CACNA2D1: variants seen among roughly 807,000 people sequenced by gnomAD.
The protein encoded by CACNA2D1 is calcium voltage-gated channel auxiliary subunit alpha2delta 1, also known as voltage-dependent calcium channel subunit alpha-2/delta-1.
CACNA2D1 carries 53 observed loss-of-function variants against 171.5 expected under a neutral mutation model. That is an observed-to-expected ratio of 0.31 (90% CI 0.25 to 0.39). CACNA2D1 has a LOEUF of 0.39. CACNA2D1 is among the 10% of genes least tolerant of loss of function. The probability of loss-of-function intolerance (pLI) is 1.00; values close to 1 mark genes in which losing one functional copy is unlikely to be tolerated. For missense variants in CACNA2D1, 903 were observed against 1,299.8 expected, an observed-to-expected ratio of 0.69 and a Z score of 4.69; for synonymous variants, 442 against 443.1, an observed-to-expected ratio of 1.00 and a Z score of 0.03.
At chr7:82,073,923 A>G (rs1268004271) in intron 7 of CACNA2D1, among the ~76,000 whole-genome samples, 1 of 152,162 alleles carries the variant, frequency 6.6e-6, no homozygotes, top group Non-Finnish European at 1.5e-5. Flanking sequence ...TGAATGAATG[A>G]TAAGATGCAC....
At chr7:82,392,336 C>T (rs548989381) in intron 1 of CACNA2D1, among the ~76,000 whole-genome samples, 1 of 152,334 alleles carries the variant, frequency 6.6e-6, no homozygotes, top group East Asian at 1.9e-4. Context: ...AGGTGGGGGG[C>T]CACCCTCATG....
intron 3 of CACNA2D1, among the ~76,000 whole-genome samples, chr7:82,224,760 T>C (rs1237825864): frequency 6.6e-6 from 1 of 152,136 alleles, no homozygotes; most frequent in African/African-American, 2.4e-5. Context: ...TCTCTCCACA[T>C]AGCATCTGGG....
chr7:82,063,239 A>G (rs964386264), intron 9 of CACNA2D1, among the ~76,000 whole-genome samples: 4 of 152,212 alleles, frequency 2.6e-5, no homozygotes, highest in Non-Finnish European at 5.9e-5. Flanking sequence ...TACATCCAAC[A>G]GGATTATAAT....
chr7:82,120,767 C>G (rs1193631579), intron 5 of CACNA2D1, among the ~76,000 whole-genome samples: 8 of 149,746 alleles, frequency 5.3e-5, no homozygotes, highest in Admixed American at 1.3e-4. Flanking sequence ...CCCAGCTACT[C>G]GGGAGGCTGA....
rs1018087897 is a variant in CACNA2D1, at chr7:81,968,985, A to G, written c.2309-12T>C. 2.2e-6 allele frequency: 3 copies of G among 1,384,284 alleles called. No individual in the cohort carries two copies. The African/African-American group carries it at 4.3e-5, about 20-fold the overall frequency. 85.8% of individuals were successfully genotyped at this position (1,384,284 alleles called of 1,614,324 possible). On this transcript the variant is annotated splice_polypyrimidine_tract_variant and intron_variant, in intron 28 of 38. Coordinates refer to ENST00000356860, the MANE Select transcript of CACNA2D1 (RefSeq NM_000722.4). ...ACCAGGTCCACTTTCTAAAAAAAAA[A>G]TAAATAAATAAAACACCTATCAAGA...
In CACNA2D1 at chr7:81,950,194, C is replaced by G; in HGVS notation, c.*198G>C. The G allele has an allele frequency of 2.4e-6, 2 of 847,520 alleles. No individual in the cohort carries two copies. 52.5% of individuals were successfully genotyped at this position (847,520 alleles called of 1,614,324 possible). A position where few individuals can be genotyped will look rare whatever the true frequency, so the allele number is the denominator to read the frequency against. ...TTACACATAGATGATGCAGCATTCA[C>G]ACACGTTTAAGGATCTGACACCCTG... On this transcript the variant is annotated 3_prime_UTR_variant, in exon 39 of 39. Coordinates refer to ENST00000356860, the MANE Select transcript of CACNA2D1 (RefSeq NM_000722.4).
chr7:82,098,393 G>A (rs1033073574), intron 6 of CACNA2D1, among the ~76,000 whole-genome samples: 2 of 152,118 alleles, frequency 1.3e-5, no homozygotes, highest in Non-Finnish European at 2.9e-5. Context: ...GAAGGATGTT[G>A]AAACCAATAC....
chr7:82,051,392 C>A (rs1372942706), intron 10 of CACNA2D1, among the ~76,000 whole-genome samples: 1 of 151,680 alleles, frequency 6.6e-6, no homozygotes, highest in Admixed American at 6.6e-5. Flanking sequence ...ACAATCTGGA[C>A]AAAAGGTACA....
At chr7:82,160,110 T>C (rs1435331528) in intron 4 of CACNA2D1, among the ~76,000 whole-genome samples, 1 of 151,928 alleles carries the variant, frequency 6.6e-6, no homozygotes, top group African/African-American at 2.4e-5. Flanking sequence ...AGGAGGAGTC[T>C]ATGAACTGGA....
chr7:82,272,686 C>T (rs1050290037), intron 3 of CACNA2D1, among the ~76,000 whole-genome samples: 5 of 152,118 alleles, frequency 3.3e-5, no homozygotes, highest in African/African-American at 7.2e-5. Flanking sequence ...AAAGGTACTA[C>T]TAAGAAAATT....
rs532328592 is a variant in CACNA2D1, at chr7:82,352,952, C to T, written c.96-3303G>A. ...TAGGCCAGGCCAAGGGTCTTAAATA[C>T]GATTCTGAAACATTTAGGTTATATT... On this transcript the variant is annotated intron_variant, in intron 1 of 38. Coordinates refer to ENST00000356860, the MANE Select transcript of CACNA2D1 (RefSeq NM_000722.4). Among the ~76,000 whole-genome samples the T allele has an allele frequency of 2.6e-5, 4 of 152,134 alleles. No individual in the cohort carries two copies. In the South Asian group the frequency reaches 6.2e-4, roughly 24 times the overall value.
At chr7:82,202,822 G>A (rs561379602) in intron 3 of CACNA2D1, among the ~76,000 whole-genome samples, 9 of 129,122 alleles carry the variant, frequency 7.0e-5, no homozygotes, top group Non-Finnish European at 1.1e-4. Context: ...CTGTAAAGAC[G>A]GGGAAAATGC....
intron 3 of CACNA2D1, among the ~76,000 whole-genome samples, chr7:82,171,649 A>G (rs1796028965): frequency 6.6e-6 from 1 of 152,132 alleles, no homozygotes; most frequent in Non-Finnish European, 1.5e-5. Context: ...ATCAACTTCA[A>G]AGAGTAATGG....
rs71522607 is a variant in CACNA2D1, at chr7:82,217,634, T to TCACACACA, written c.295-47033_295-47026dup. ...ATCTATCAACATTCATGGCACAGTT[T>TCACACACA]CACACACACACACACACACACACAC... On this transcript the variant is annotated intron_variant, in intron 3 of 38. Transcript: ENST00000356860. 5.4e-3 allele frequency among the ~76,000 whole-genome samples: 757 copies of TCACACACA among 140,218 alleles called. 7 individuals are homozygous for TCACACACA. The highest frequency in any genetic ancestry group is 0.019 in the African/African-American group (700 of 37,426). The allele number at this position is 140,218 out of a possible 152,430, so 92.0% of individuals were successfully genotyped here.
chr7:81,986,522 A>T (rs1486043268), intron 21 of CACNA2D1, among the ~76,000 whole-genome samples: 1 of 101,158 alleles, frequency 9.9e-6, no homozygotes, highest in Non-Finnish European at 1.8e-5. Flanking sequence ...TAAAATTTCA[A>T]AATTTCATAT....
chr7:82,093,967 T>C (rs533461470), intron 6 of CACNA2D1, among the ~76,000 whole-genome samples: 1 of 152,272 alleles, frequency 6.6e-6, no homozygotes, highest in East Asian at 1.9e-4. Context: ...TCTGGACTGC[T>C]GAATTCACAA....
intron 29 of CACNA2D1, among the ~76,000 whole-genome samples, chr7:81,968,426 C>G (rs1047870184): frequency 6.6e-6 from 1 of 151,264 alleles, no homozygotes; most frequent in African/African-American, 2.4e-5. Flanking sequence ...TGAGCCCTAC[C>G]TAATTCACTT....
At chr7:81,982,508 A>C in intron 24 of CACNA2D1, 59 bp downstream of exon 24, 1 of 907,974 alleles carries the variant, frequency 1.1e-6, no homozygotes, top group South Asian at 1.3e-5. Flanking sequence ...TCAATTCTGA[A>C]CTACTGTTGA....
At chr7:82,397,371 C>G (rs901967085) in intron 1 of CACNA2D1, among the ~76,000 whole-genome samples, 5 of 152,100 alleles carry the variant, frequency 3.3e-5, no homozygotes, top group East Asian at 3.9e-4. Context: ...ATATTTCAGT[C>G]TTCTCTTAGC....
Sources: allele counts gnomAD v4.1 joint callset (sites outside exome capture counted in the v4.1 genomes callset), GRCh38; gene constraint gnomAD v4.1.1; transcripts MANE v1.5; gene names NCBI Gene and HGNC (gene_info 2026-07-23, HGNC 2026-07-21).